Variants in ACER3 observed in about 807,000 individuals in gnomAD.
The protein encoded by ACER3 is alkaline ceramidase 3, also known as alkCDase 3.
A neutral mutation model predicts 48.9 loss-of-function variants in ACER3; 16 were observed. That is an observed-to-expected ratio of 0.33 (90% CI 0.22 to 0.50). ACER3 has a LOEUF of 0.50. ACER3 is among the 20% of genes least tolerant of loss of function. The probability of loss-of-function intolerance (pLI) is 0.98; values close to 1 mark genes in which losing one functional copy is unlikely to be tolerated. For missense variants in ACER3, 227 were observed against 326.0 expected (o/e 0.70, Z 2.34); for synonymous variants, 109 against 107.8 (o/e 1.01, Z -0.07).
chr11:76,888,424 T>C (rs1416973454), intron 1 of ACER3, among the ~76,000 whole-genome samples: 1 of 152,194 alleles, frequency 6.6e-6, no homozygotes, highest in Non-Finnish European at 1.5e-5. Flanking sequence ...ATACACACAT[T>C]TATAATCTCA....
At chr11:77,009,475 A>G (rs2135304222) in intron 7 of ACER3, among the ~76,000 whole-genome samples, 1 of 152,236 alleles carries the variant, frequency 6.6e-6, no homozygotes, top group East Asian at 1.9e-4. Flanking sequence ...ATCAAATCCA[A>G]AGAAGGAGCT....
chr11:76,955,100 G>C (rs776872111), intron 2 of ACER3, among the ~76,000 whole-genome samples: 1 of 152,150 alleles, frequency 6.6e-6, no homozygotes, highest in African/African-American at 2.4e-5. Flanking sequence ...TAGGATGGCT[G>C]TAATCACAAA....
At chr11:76,953,321 G>T (rs982988162) in intron 2 of ACER3, among the ~76,000 whole-genome samples, 2 of 152,078 alleles carry the variant, frequency 1.3e-5, no homozygotes, top group African/African-American at 4.8e-5. Context: ...ATTTGTGGCT[G>T]GGTGCGGTGG....
chr11:76,924,643 A>G (rs1031913965), intron 1 of ACER3, among the ~76,000 whole-genome samples: 1 of 151,940 alleles, frequency 6.6e-6, no homozygotes, highest in African/African-American at 2.4e-5. Flanking sequence ...ACTTTTTTAT[A>G]CCATCCCTGC....
intron 7 of ACER3, among the ~76,000 whole-genome samples, chr11:77,013,177 T>C (rs1257974913): frequency 2.0e-5 from 3 of 152,148 alleles, no homozygotes; most frequent in Non-Finnish European, 4.4e-5. Flanking sequence ...TTATAGAACT[T>C]CTAAAAGAAA....
chr11:76,986,736 T>C (rs1329661056), intron 5 of ACER3, among the ~76,000 whole-genome samples: 1 of 152,202 alleles, frequency 6.6e-6, no homozygotes, highest in African/African-American at 2.4e-5. Flanking sequence ...TACCCCTCTA[T>C]GCCTTGTTTG....
chr11:76,887,366 T>C (rs1488498589), intron 1 of ACER3, among the ~76,000 whole-genome samples: 1 of 152,194 alleles, frequency 6.6e-6, no homozygotes, highest in African/African-American at 2.4e-5. Flanking sequence ...GGTAAAGTTA[T>C]AAGAGTAGGT....
chr11:76,877,016 A>G (rs1034737794), intron 1 of ACER3, among the ~76,000 whole-genome samples: 1 of 152,222 alleles, frequency 6.6e-6, no homozygotes, highest in Non-Finnish European at 1.5e-5. Flanking sequence ...AACTCAGAGT[A>G]TGTCATATTA....
chr11:76,998,405 C>G lies in ACER3; in HGVS notation c.439-358C>G, dbSNP rs141301733. ...TATTGTAAAATGGGAAGCACAATTA[C>G]TGTATTTGCTGAAAGCAAAGCTAAA... On this transcript the variant is annotated intron_variant, in intron 6 of 10. Transcript: ENST00000532485. 1.8e-4 allele frequency: 17 copies of G among 95,614 alleles called. No homozygotes were observed. The East Asian group carries it at 5.4e-3, about 30-fold the overall frequency. The allele number at this position is 95,614 out of a possible 1,614,324, so 5.9% of individuals were successfully genotyped here.
rs533163465 is a variant in ACER3, at chr11:77,019,490, C to T, written c.705-241C>T. The T allele has an allele frequency of 9.8e-6, 5 of 508,146 alleles. No homozygotes were observed. The South Asian group carries it at 1.1e-4, about 11-fold the overall frequency. The allele number at this position is 508,146 out of a possible 1,614,324, so 31.5% of individuals were successfully genotyped here. A position where few individuals can be genotyped will look rare whatever the true frequency, so the allele number is the denominator to read the frequency against. The stretch of plus-strand genomic sequence containing the variant: ...AAAGAATTATGCTAAATATACTCTG[C>T]TTGTGCTCTATAAAATGGAACAACA... On this transcript the variant is annotated intron_variant, in intron 9 of 10. Transcript: ENST00000532485.
At chr11:76,969,136 T>C (rs1187182099) in intron 3 of ACER3, among the ~76,000 whole-genome samples, 1 of 152,082 alleles carries the variant, frequency 6.6e-6, no homozygotes, top group African/African-American at 2.4e-5. Context: ...GGGCAAAGGA[T>C]ATGAACAGAC....
In ACER3 at chr11:76,928,363, C is replaced by T. The variant is rs370061623; in HGVS notation, c.214+1696C>T. ...TTCTTTGTAGATTCTGGATACTAGC[C>T]CTTTGTCAGATGAGTAGATTGCAAA... is the stretch of plus-strand genomic sequence containing the variant. On this transcript the variant is annotated intron_variant, in intron 2 of 10. Coordinates refer to ENST00000532485, the MANE Select transcript of ACER3 (RefSeq NM_018367.7). Among the ~76,000 whole-genome samples, 66 of 152,054 alleles carry T rather than the reference C, an allele frequency of 4.3e-4. No individual in the cohort carries two copies. In the East Asian group the frequency reaches 0.012, roughly 27 times the overall value.
intron 7 of ACER3, among the ~76,000 whole-genome samples, chr11:77,004,598 T>C (rs551121235): frequency 3.5e-4 from 54 of 152,376 alleles, no homozygotes; most frequent in African/African-American, 1.2e-3. Context: ...AAGTCTATTT[T>C]GATGCACAGA....
At position 76,872,905 on chromosome 11, in the gene ACER3, CTTTTTCTT is replaced by C. The variant is rs1159656435; in HGVS notation, c.103+11832_103+11839del. ...TCTTTTCTTTCTTTCTTTCTTTTTT[CTTTTTCTT>C]TTTTTTTTTTTTTTTTGAGACAGGG... On this transcript the variant is annotated intron_variant, in intron 1 of 10. Transcript: ENST00000532485. Among the ~76,000 whole-genome samples the C allele has an allele frequency of 3.0e-3, 281 of 94,560 alleles. 3 individuals are homozygous for C. The highest frequency in any genetic ancestry group is 9.9e-3 in the African/African-American group (235 of 23,720). The allele number at this position is 94,560 out of a possible 152,430, so 62.0% of individuals were successfully genotyped here. A position where few individuals can be genotyped will look rare whatever the true frequency, so the allele number is the denominator to read the frequency against.
chr11:76,962,586 G>A (rs964916484), intron 3 of ACER3, among the ~76,000 whole-genome samples: 1 of 151,424 alleles, frequency 6.6e-6, no homozygotes, highest in Non-Finnish European at 1.5e-5. Context: ...TGATACTGGT[G>A]GGCTGGGGGA....
chr11:76,875,732 GTTTT>G, intron 1 of ACER3, among the ~76,000 whole-genome samples: 1 of 67,070 alleles, frequency 1.5e-5, no homozygotes, highest in African/African-American at 5.6e-5. Flanking sequence ...AGTTTTTGTT[GTTTT>G]TTTTTTTTTT....
At chr11:77,000,653 A>G (rs1241643576) in intron 7 of ACER3, among the ~76,000 whole-genome samples, 1 of 152,210 alleles carries the variant, frequency 6.6e-6, no homozygotes, top group African/African-American at 2.4e-5. Flanking sequence ...TCTAAGACCC[A>G]TTAGTGGAAA....
chr11:76,873,271 A>T (rs1473672794), intron 1 of ACER3, among the ~76,000 whole-genome samples: 2 of 152,132 alleles, frequency 1.3e-5, no homozygotes, highest in Non-Finnish European at 2.9e-5. Context: ...CTACACTTGG[A>T]GAAACAAGGC....
At chr11:76,928,942 G>A (rs573768669) in intron 2 of ACER3, among the ~76,000 whole-genome samples, 1 of 152,250 alleles carries the variant, frequency 6.6e-6, no homozygotes, top group Admixed American at 6.5e-5. Flanking sequence ...TTGGCAATGC[G>A]GGCTCTTTTT....
Sources: gnomAD v4.1 joint callset for allele counts (sites outside exome capture counted in the v4.1 genomes callset) on GRCh38, gnomAD v4.1.1 for gene constraint, MANE v1.5 for transcripts, NCBI Gene and HGNC (gene_info 2026-07-23, HGNC 2026-07-21) for gene names.